MBNL2: variants seen among roughly 807,000 people sequenced by gnomAD.
MBNL2 encodes muscleblind-like protein 2.
A neutral mutation model predicts 41.9 loss-of-function variants in MBNL2; 17 were observed. That is an observed-to-expected ratio of 0.41 (90% CI 0.28 to 0.61). The LOEUF (loss-of-function observed/expected upper bound fraction) is 0.61. MBNL2 is among the 20% of genes least tolerant of loss of function. MBNL2 has a pLI of 0.35. For synonymous variants in MBNL2, 195 were observed against 182.9 expected (o/e 1.07, Z -0.53); for missense variants, 336 against 505.6 (o/e 0.66, Z 3.22).
the MBNL2 span, among the ~76,000 whole-genome samples, chr13:97,167,055 C>A: frequency 6.6e-6 from 1 of 152,016 alleles, no homozygotes; most frequent in Non-Finnish European, 1.5e-5. Flanking sequence ...AAGGGAAATG[C>A]CTTGAATATT....
intron 1 of MBNL2, among the ~76,000 whole-genome samples, chr13:97,266,405 C>T (rs1321381193): frequency 6.6e-6 from 1 of 152,250 alleles, no homozygotes; most frequent in Non-Finnish European, 1.5e-5. Context: ...ATCTCATTCA[C>T]ATCTGTGTTT....
the MBNL2 span, among the ~76,000 whole-genome samples, chr13:97,141,859 C>T: frequency 2.0e-5 from 3 of 152,136 alleles, no homozygotes; most frequent in African/African-American, 7.2e-5. Context: ...GCAGAGGCTG[C>T]GCAGAGAATG....
At chr13:97,365,229 T>G (rs758750889) in intron 8 of MBNL2, 58 bp downstream of exon 8, 6 of 1,071,852 alleles carry the variant, frequency 5.6e-6, no homozygotes, top group South Asian at 3.8e-5. Context: ...TTCACTTGCT[T>G]GAAATTTATT....
intron 8 of MBNL2, among the ~76,000 whole-genome samples, chr13:97,380,120 T>G (rs1247535238): frequency 2.0e-5 from 3 of 152,202 alleles, no homozygotes; most frequent in Admixed American, 6.5e-5. Context: ...AGGAACTGAG[T>G]GCAAAGACGT....
At chr13:97,156,696 A>G in the MBNL2 span, among the ~76,000 whole-genome samples, 1 of 147,786 alleles carries the variant, frequency 6.8e-6, no homozygotes, top group Non-Finnish European at 1.5e-5. Flanking sequence ...GTCAAAGATC[A>G]GATAGTTGTA....
intron 7 of MBNL2, among the ~76,000 whole-genome samples, chr13:97,364,354 C>G (rs950883006): frequency 6.6e-6 from 1 of 152,152 alleles, no homozygotes. Flanking sequence ...AACTCAGCCC[C>G]AACTCTGCAC....
chr13:97,347,154 C>T (rs1006702196), intron 5 of MBNL2, 87 bp downstream of exon 5: 11 of 1,015,306 alleles, frequency 1.1e-5, no homozygotes, highest in Non-Finnish European at 1.5e-5. Flanking sequence ...TCCAAACACT[C>T]GGGAAACATG....
intron 8 of MBNL2, among the ~76,000 whole-genome samples, chr13:97,373,127 C>T (rs1032758091): frequency 6.6e-6 from 1 of 152,194 alleles, no homozygotes; most frequent in Non-Finnish European, 1.5e-5. Flanking sequence ...TCGCAGTTTG[C>T]TTGTGCCTGG....
chr13:97,188,205 G>C, the MBNL2 span, among the ~76,000 whole-genome samples: 1 of 152,136 alleles, frequency 6.6e-6, no homozygotes, highest in Non-Finnish European at 1.5e-5. Flanking sequence ...GAGGGGGTGT[G>C]ATCCCATCAC....
intron 1 of MBNL2, among the ~76,000 whole-genome samples, chr13:97,265,331 T>C (rs941906142): frequency 3.9e-5 from 6 of 152,246 alleles, no homozygotes; most frequent in Non-Finnish European, 7.3e-5. Flanking sequence ...CTTATCTGAG[T>C]CATTGAATGG....
At chr13:97,221,783 G>C (rs142916424), upstream of MBNL2, among the ~76,000 whole-genome samples, 685 of 152,326 alleles carry the variant, frequency 4.5e-3, 1 homozygote, top group South Asian at 0.019. Flanking sequence ...CAGGAAACCT[G>C]TGTGTGCCAG....
intron 1 of MBNL2, among the ~76,000 whole-genome samples, chr13:97,228,741 G>A (rs893184810): frequency 6.6e-6 from 1 of 151,624 alleles, no homozygotes; most frequent in Non-Finnish European, 1.5e-5. Context: ...TATTGGCCAG[G>A]GTAGTCTCGA....
At chr13:97,319,952 T>G (rs2059367330) in intron 2 of MBNL2, among the ~76,000 whole-genome samples, 2 of 152,330 alleles carry the variant, frequency 1.3e-5, no homozygotes, top group East Asian at 3.9e-4. Flanking sequence ...TATAGTTTAT[T>G]TTTGAGCAAA....
chr13:97,190,565 G>A, the MBNL2 span, among the ~76,000 whole-genome samples: 73 of 152,272 alleles, frequency 4.8e-4, no homozygotes, highest in South Asian at 0.014. Flanking sequence ...TGGACTTAGA[G>A]GTCAAAAGGC....
intron 5 of MBNL2, among the ~76,000 whole-genome samples, chr13:97,353,726 A>G (rs2062715525): frequency 6.6e-6 from 1 of 152,202 alleles, no homozygotes; most frequent in Non-Finnish European, 1.5e-5. Context: ...TGTTAACACA[A>G]AAGGTGTCTG....
chr13:97,301,837 C>T (rs974555652), intron 2 of MBNL2, among the ~76,000 whole-genome samples: 1 of 152,172 alleles, frequency 6.6e-6, no homozygotes, highest in South Asian at 2.1e-4. Context: ...CTTCCTGTTT[C>T]GTGAGCATCA....
At chr13:97,152,004 A>G in the MBNL2 span, among the ~76,000 whole-genome samples, 1 of 152,190 alleles carries the variant, frequency 6.6e-6, no homozygotes, top group African/African-American at 2.4e-5. Flanking sequence ...ATGACCAGTA[A>G]TTTTAGGAAA....
intron 1 of MBNL2, among the ~76,000 whole-genome samples, chr13:97,252,742 T>C (rs1305664658): frequency 6.6e-6 from 1 of 152,134 alleles, no homozygotes; most frequent in Non-Finnish European, 1.5e-5. Flanking sequence ...GCAACTTAAC[T>C]GAACTCACTT....
chr13:97,172,995 A>C, the MBNL2 span: 2 of 152,312 alleles, frequency 1.3e-5, no homozygotes, highest in Admixed American at 1.3e-4. Flanking sequence ...GTATCATCAA[A>C]ACTCACTGGG....
Sources: allele counts gnomAD v4.1 joint callset (sites outside exome capture counted in the v4.1 genomes callset), GRCh38; gene constraint gnomAD v4.1.1; transcripts MANE v1.5; gene names NCBI Gene and HGNC (gene_info 2026-07-23, HGNC 2026-07-21).